Variants in TLN2 observed in about 807,000 individuals in gnomAD.
TLN2 encodes the protein talin 2.
Under a neutral mutation model 294.7 loss-of-function variants are expected in TLN2, and 118 were observed. The ratio of observed to expected loss-of-function variants is 0.40; its 90% CI spans 0.34 to 0.47. The LOEUF (loss-of-function observed/expected upper bound fraction) is 0.47, where lower values mean the gene tolerates loss of function less well. Ranked by LOEUF, TLN2 falls within the 20% of genes least tolerant of loss-of-function variation. TLN2 has a pLI of 0.84. For missense variants in TLN2, 3,083 were observed against 3,282.2 expected, an observed-to-expected ratio of 0.94 and a Z score of 1.48; for synonymous variants, 1,431 against 1,304.5, an observed-to-expected ratio of 1.10 and a Z score of -2.09.
chr15:62,626,826 A>T (rs1277638680), intron 3 of TLN2, among the ~76,000 whole-genome samples: 1 of 152,216 alleles, frequency 6.6e-6, no homozygotes, highest in Non-Finnish European at 1.5e-5. Context: ...TACTGGTGTG[A>T]GGTTGACATA....
intron 1 of TLN2, among the ~76,000 whole-genome samples, chr15:62,510,591 G>A (rs1174641244): frequency 6.6e-6 from 1 of 152,178 alleles, no homozygotes; most frequent in Non-Finnish European, 1.5e-5. Context: ...ATTGTAATTT[G>A]GGAGCCCCTA....
chr15:62,606,821 A>G (rs1159492982), intron 2 of TLN2, among the ~76,000 whole-genome samples: 2 of 152,194 alleles, frequency 1.3e-5, no homozygotes, highest in African/African-American at 4.8e-5. Flanking sequence ...TAGCTGTGTC[A>G]TCTGCCGTGT....
Position 62,573,174 on chromosome 15 carries a change from T to C in TLN2, c.-237-16513T>C, listed in dbSNP as rs771472835. On this transcript the variant is annotated intron_variant, in intron 1 of 58. Transcript: ENST00000636159. ...CAGAAATGCTACCCCCTTGACATGC[T>C]CTATCCACCTTGATCACACCCCTCA... Among the ~76,000 whole-genome samples, 4 of 152,062 alleles carry C rather than the reference T, an allele frequency of 2.6e-5. No homozygotes were observed. The East Asian group carries it at 7.7e-4, about 29-fold the overall frequency.
chr15:62,776,631 G>C, intron 42 of TLN2, 133 bp from the exon 43 acceptor site: 2 of 885,302 alleles, frequency 2.3e-6, no homozygotes, highest in Non-Finnish European at 3.0e-6. Flanking sequence ...CATAAAGAAA[G>C]GGAAGAAATA....
At chr15:62,586,814 A>C (rs2045648753) in intron 1 of TLN2, among the ~76,000 whole-genome samples, 1 of 152,220 alleles carries the variant, frequency 6.6e-6, no homozygotes, top group African/African-American at 2.4e-5. Context: ...GAATGAATCT[A>C]CCTGTCTCTT....
At chr15:62,701,905 G>A (rs2058740652) in intron 17 of TLN2, 87 bp from the exon 18 acceptor site, 1 of 1,450,192 alleles carries the variant, frequency 6.9e-7, no homozygotes, top group Non-Finnish European at 9.4e-7. Context: ...GATGGTAGGT[G>A]AGGAACTCCT....
At chr15:62,581,069 A>G (rs1191269726) in intron 1 of TLN2, among the ~76,000 whole-genome samples, 1 of 151,896 alleles carries the variant, frequency 6.6e-6, no homozygotes, top group Non-Finnish European at 1.5e-5. Context: ...TATTTAGTAG[A>G]GATGGGGTTT....
intron 3 of TLN2, among the ~76,000 whole-genome samples, chr15:62,643,155 G>GTT (rs2051344038): frequency 6.6e-6 from 1 of 152,140 alleles, no homozygotes; most frequent in Admixed American, 6.5e-5. Context: ...ATATGACTGG[G>GTT]TTTCCCTATG....
At chr15:62,774,681 G>C (rs1595947567) in intron 42 of TLN2, among the ~76,000 whole-genome samples, 1 of 152,322 alleles carries the variant, frequency 6.6e-6, no homozygotes, top group Middle Eastern at 3.4e-3. Flanking sequence ...GCCTTCTAGA[G>C]AATTCATCAG....
Position 62,836,254 on chromosome 15 carries a change from G to A in TLN2, c.7374+181G>A, listed in dbSNP as rs939132386. 4.9e-4 allele frequency: 434 copies of A among 885,826 alleles called. 1 individual carries two copies. Among genetic ancestry groups the A allele is most frequent in the Middle Eastern group, 4.2e-3 (12 of 2,852 alleles). The allele number at this position is 885,826 out of a possible 1,614,324, so 54.9% of individuals were successfully genotyped here. On this transcript the variant is annotated intron_variant, in intron 57 of 58. Coordinates refer to ENST00000636159, the MANE Select transcript of TLN2 (RefSeq NM_015059.3). The stretch of plus-strand genomic sequence containing the variant: ...TCCTCCACTGCTGCCCCACCACGCT[G>A]CCATTCTCCTCGTGTGCCTTCTGGT...
chr15:62,692,113 T>C (rs2057970173), intron 12 of TLN2, among the ~76,000 whole-genome samples: 1 of 152,236 alleles, frequency 6.6e-6, no homozygotes, highest in Non-Finnish European at 1.5e-5. Context: ...CTTTCATTGC[T>C]ATTCTGGACT....
At chr15:62,757,723 G>C (rs2062383629) in intron 37 of TLN2, among the ~76,000 whole-genome samples, 1 of 152,172 alleles carries the variant, frequency 6.6e-6, no homozygotes, top group Non-Finnish European at 1.5e-5. Context: ...ATGTCGGGGG[G>C]TTGTAACGTG....
chr15:62,713,929 A>ATATATATATATAT (rs368958929), intron 22 of TLN2, among the ~76,000 whole-genome samples: 1 of 125,210 alleles, frequency 8.0e-6, no homozygotes, highest in Non-Finnish European at 1.8e-5. Flanking sequence ...GTGTGTGTGT[A>ATATATATATATAT]TGTGTGTGTG....
At chr15:62,723,433 C>G (rs1347689966) in intron 26 of TLN2, among the ~76,000 whole-genome samples, 1 of 151,934 alleles carries the variant, frequency 6.6e-6, no homozygotes, top group Non-Finnish European at 1.5e-5. Context: ...TTTGCTGAGT[C>G]TGAGACACAC....
In TLN2 at chr15:62,750,468, G is replaced by A. The variant is rs778056570; in HGVS notation, c.4186G>A (p.Glu1396Lys). Residue 1396 changes from glutamate to lysine, a missense_variant, in exon 34 of 59, where the codon GAG becomes AAG. Transcript: ENST00000636159. Reference sequence around the variant, plus strand: ...TGACCTCTCTTACTTTGACTGCATTGAGAGTGTGATGGAAAACTCCAAGGT... The same window carrying A: ...TGACCTCTCTTACTTTGACTGCATTAAGAGTGTGATGGAAAACTCCAAGGT... ...VSDLSYFDCI[E>K]SVMENSKVLG... is the part of the protein sequence containing the mutation. 1 of 1,614,168 alleles carries A rather than the reference G, an allele frequency of 6.2e-7. No individual in the cohort carries two copies. Among genetic ancestry groups the A allele is most frequent in the East Asian group, 2.2e-5 (1 of 44,886 alleles).
chr15:62,506,946 T>A (rs960849489), intron 1 of TLN2, among the ~76,000 whole-genome samples: 1 of 152,216 alleles, frequency 6.6e-6, no homozygotes, highest in Non-Finnish European at 1.5e-5. Flanking sequence ...TTTCAGCATA[T>A]GTGAAGTGAA....
intron 3 of TLN2, among the ~76,000 whole-genome samples, chr15:62,625,192 T>A (rs1176990594): frequency 6.6e-6 from 1 of 152,122 alleles, no homozygotes; most frequent in African/African-American, 2.4e-5. Context: ...TCTTCACTAC[T>A]GAATGTGCAC....
intron 3 of TLN2, among the ~76,000 whole-genome samples, chr15:62,635,947 CT>C (rs2050335843): frequency 1.3e-5 from 2 of 152,188 alleles, no homozygotes; most frequent in Admixed American, 6.5e-5. Context: ...GATCCGTGGC[CT>C]TGGTCGAGTT....
At chr15:62,420,605 C>A (rs1194254106) in intron 1 of TLN2, among the ~76,000 whole-genome samples, 1 of 152,154 alleles carries the variant, frequency 6.6e-6, no homozygotes, top group African/African-American at 2.4e-5. Context: ...CCAGGTCTCA[C>A]TAACAACTAT....
Sources: allele counts gnomAD v4.1 joint callset (sites outside exome capture counted in the v4.1 genomes callset), GRCh38; gene constraint gnomAD v4.1.1; transcripts MANE v1.5; gene names NCBI Gene and HGNC (gene_info 2026-07-23, HGNC 2026-07-21).